The following SH3KBP1 variants were observed in gnomAD, a reference collection of about 807,000 sequenced individuals.
SH3KBP1 encodes SH3 domain-containing kinase-binding protein 1.
SH3KBP1 carries 8 observed loss-of-function variants against 50.1 expected under a neutral mutation model. That is an observed-to-expected ratio of 0.16 (90% CI 0.09 to 0.29). SH3KBP1 has a LOEUF of 0.29. Ranked by LOEUF, SH3KBP1 falls within the 10% of genes least tolerant of loss-of-function variation. The pLI is 1.00. For missense variants in SH3KBP1, 377 were observed against 535.2 expected (o/e 0.70, Z 2.92); for synonymous variants, 227 against 218.6 (o/e 1.04, Z -0.34).
At chrX:19,794,874 C>G (rs1303494687) in intron 2 of SH3KBP1, among the ~76,000 whole-genome samples, 1 of 110,969 alleles carries the variant, frequency 9.0e-6, no homozygotes, top group Non-Finnish European at 1.9e-5. Context: ...TCAGCAAATC[C>G]TTAGTGCCCA....
chrX:19,610,414 TTCTTTGACCCTAAC>T (rs2067376923), intron 8 of SH3KBP1, among the ~76,000 whole-genome samples: 1 of 111,577 alleles, frequency 9.0e-6, no homozygotes, highest in Non-Finnish European at 1.9e-5. Flanking sequence ...GGAGTAGAAT[TTCTTTGACCCTAAC>T]TCTTGGAATT....
intron 6 of SH3KBP1, among the ~76,000 whole-genome samples, chrX:19,668,197 A>T (rs1261083257): frequency 9.0e-6 from 1 of 111,388 alleles, no homozygotes; most frequent in East Asian, 2.8e-4. Flanking sequence ...CTGCATGCAT[A>T]TTCAGGCTCA....
chrX:19,639,096 C>A (rs912486562), intron 7 of SH3KBP1, among the ~76,000 whole-genome samples: 1 of 111,408 alleles, frequency 9.0e-6, no homozygotes, highest in Non-Finnish European at 1.9e-5. Context: ...AATGATCCAG[C>A]CCAAATGTCA....
intron 3 of SH3KBP1, among the ~76,000 whole-genome samples, chrX:19,739,423 T>A (rs2064703854): frequency 9.0e-6 from 1 of 111,474 alleles, no homozygotes; most frequent in East Asian, 2.8e-4. Context: ...GAAAAATGGG[T>A]TCAACAAAAA....
intron 2 of SH3KBP1, among the ~76,000 whole-genome samples, chrX:19,803,708 G>A (rs903667827): frequency 7.2e-5 from 8 of 111,581 alleles, no homozygotes; most frequent in Admixed American, 1.9e-4. Context: ...TAAGATTTAC[G>A]AAATGTTAAG....
chrX:19,616,881 T>C (rs762525627), intron 8 of SH3KBP1, among the ~76,000 whole-genome samples: 6 of 111,707 alleles, frequency 5.4e-5, no homozygotes, highest in Non-Finnish European at 1.1e-4. Context: ...CCATTACTGG[T>C]GATCTCTGGG....
At chrX:19,657,105 GGCTTATTAT>G (rs1280087308) in intron 6 of SH3KBP1, among the ~76,000 whole-genome samples, 1 of 111,849 alleles carries the variant, frequency 8.9e-6, no homozygotes, top group Non-Finnish European at 1.9e-5. Flanking sequence ...CTACTTAAAA[GGCTTATTAT>G]GCCTGTAATC....
chrX:19,578,173 AG>A (rs1013982505), intron 12 of SH3KBP1, among the ~76,000 whole-genome samples: 1 of 111,664 alleles, frequency 9.0e-6, no homozygotes, highest in Non-Finnish European at 1.9e-5. Context: ...TTATTTCAAT[AG>A]CTTTTGGGGT....
intron 3 of SH3KBP1, among the ~76,000 whole-genome samples, chrX:19,743,258 T>C (rs1376063854): frequency 9.1e-6 from 1 of 109,949 alleles, no homozygotes; most frequent in Non-Finnish European, 1.9e-5. Flanking sequence ...AATCAGTAAA[T>C]TAGCCAGGTG....
At chrX:19,856,288 T>C (rs766610356) in intron 1 of SH3KBP1, among the ~76,000 whole-genome samples, 23 of 111,831 alleles carry the variant, frequency 2.1e-4, no homozygotes, top group Non-Finnish European at 3.8e-4. Flanking sequence ...GAGAAGAAAG[T>C]AGATATCTTC....
chrX:19,640,851 G>C (rs1001075922), intron 7 of SH3KBP1, among the ~76,000 whole-genome samples: 3 of 111,540 alleles, frequency 2.7e-5, no homozygotes, highest in African/African-American at 9.8e-5. Context: ...TAACTTTGTA[G>C]CTTCACTTCA....
rs1439180647 is a variant in SH3KBP1 at position 19,594,976 on chromosome X, A to G, written c.1030T>C (p.Ser344Pro). ...GNRPKKPPPP[S>P]APVIKQGAGT... ...GCCCCTTGTTTGATGACAGGAGCGG[A>G]TGGAGGCGGTGGCTTCTTGGGTCTC... Residue 344 changes from serine (S) to proline (P), a missense_variant, in exon 10 of 18, where the codon TCC (serine) becomes CCC (proline). Coordinates refer to ENST00000397821, the MANE Select transcript of SH3KBP1 (RefSeq NM_031892.3). The G allele has an allele frequency of 8.3e-7, 1 of 1,205,089 alleles. No homozygotes were observed. The highest frequency in any genetic ancestry group is 2.2e-5 in the Admixed American group (1 of 46,008).
chrX:19,598,847 CA>C (rs1235748197), intron 9 of SH3KBP1, among the ~76,000 whole-genome samples: 1 of 111,585 alleles, frequency 9.0e-6, no homozygotes, highest in Non-Finnish European at 1.9e-5. Flanking sequence ...TTACCCATAA[CA>C]GGTATAATAA....
At chrX:19,636,647 T>G (rs1281797954) in intron 7 of SH3KBP1, among the ~76,000 whole-genome samples, 1 of 112,085 alleles carries the variant, frequency 8.9e-6, no homozygotes, top group Non-Finnish European at 1.9e-5. Flanking sequence ...CATGACTGCC[T>G]GCAGCTAGTT....
At chrX:19,665,904 C>G (rs2062586552) in intron 6 of SH3KBP1, among the ~76,000 whole-genome samples, 1 of 111,757 alleles carries the variant, frequency 8.9e-6, no homozygotes, top group African/African-American at 3.3e-5. Flanking sequence ...GAGAAAAAGA[C>G]AGCTACGTAC....
intron 1 of SH3KBP1, among the ~76,000 whole-genome samples, chrX:19,878,505 T>TGTGTGAGAGA (rs1491094714): frequency 1.2e-4 from 6 of 48,251 alleles, no homozygotes; most frequent in African/African-American, 3.0e-4. Context: ...TGTGTGTGTG[T>TGTGTGAGAGA]GAGAGAGAGA....
At chrX:19,554,077 ATATATATTAAAATATAATAT>A in intron 13 of SH3KBP1, among the ~76,000 whole-genome samples, 1 of 62,912 alleles carries the variant, frequency 1.6e-5, no homozygotes, top group African/African-American at 8.7e-5. Flanking sequence ...AAAATACATT[ATATATATTAAAATATAATAT>A]TATATATCAT....
intron 8 of SH3KBP1, among the ~76,000 whole-genome samples, chrX:19,631,093 G>C (rs769849595): frequency 4.5e-5 from 5 of 112,284 alleles, no homozygotes; most frequent in Admixed American, 9.4e-5. Flanking sequence ...ACTGTGCTAA[G>C]TTCCCTGTCA....
chrX:19,782,976 G>A (rs750364972), intron 2 of SH3KBP1, among the ~76,000 whole-genome samples: 2 of 111,895 alleles, frequency 1.8e-5, no homozygotes, highest in African/African-American at 3.3e-5. Context: ...ATCAGCCAGC[G>A]TGGTGGCGCG....
Sources: gnomAD v4.1 joint callset for allele counts (sites outside exome capture counted in the v4.1 genomes callset) on GRCh38, gnomAD v4.1.1 for gene constraint, MANE v1.5 for transcripts, NCBI Gene and HGNC (gene_info 2026-07-23, HGNC 2026-07-21) for gene names.